RBFOX1: variants seen among roughly 807,000 people sequenced by gnomAD.
The protein encoded by RBFOX1 is RNA binding protein fox-1 homolog 1.
RBFOX1 carries 8 observed loss-of-function variants against 57.7 expected under a neutral mutation model. The ratio of observed to expected loss-of-function variants is 0.14; its 90% CI spans 0.08 to 0.25. RBFOX1 has a LOEUF of 0.25. Ranked by LOEUF, RBFOX1 falls within the 10% of genes least tolerant of loss-of-function variation. RBFOX1 has a pLI of 1.00. For synonymous variants in RBFOX1, 326 were observed against 222.4 expected (o/e 1.47, Z -4.15); for missense variants, 611 against 548.5 (o/e 1.11, Z -1.14).
Position 6,456,493 on chromosome 16 carries a change from C to T in RBFOX1, c.-64+139436C>T, listed in dbSNP as rs559014101. On this transcript the variant is annotated intron_variant, in intron 2 of 15. Coordinates refer to ENST00000550418, the MANE Select transcript of RBFOX1 (RefSeq NM_018723.4). ...ATTGGGAAGAGCCACAGTCAATGAACCTAGAGACCAGATAACTTAGGGCCC... is the reference window on the plus strand; with the variant it reads ...ATTGGGAAGAGCCACAGTCAATGAATCTAGAGACCAGATAACTTAGGGCCC... Among the ~76,000 whole-genome samples the T allele has an allele frequency of 3.9e-5, 6 of 152,254 alleles. No homozygotes were observed. In the East Asian group the frequency reaches 1.2e-3, roughly 29 times the overall value.
chr16:6,814,974 A>G (rs2089726231), intron 3 of RBFOX1, among the ~76,000 whole-genome samples: 1 of 152,214 alleles, frequency 6.6e-6, no homozygotes, highest in Admixed American at 6.5e-5. Flanking sequence ...CAGGCAGAGC[A>G]GTGGTATGGG....
chr16:5,388,599 CAG>C (rs2066317840), intron 1 of RBFOX1, among the ~76,000 whole-genome samples: 1 of 151,966 alleles, frequency 6.6e-6, no homozygotes, highest in African/African-American at 2.4e-5. Flanking sequence ...TTTACTGAGA[CAG>C]AGTCTCGCTC....
At chr16:5,934,367 T>A (rs941694459) in intron 4 of RBFOX1, among the ~76,000 whole-genome samples, 6 of 152,262 alleles carry the variant, frequency 3.9e-5, no homozygotes, top group African/African-American at 1.4e-4. Context: ...GGTTATTCTT[T>A]ATGGCAGCTG....
At chr16:5,593,581 C>G (rs886976555) in intron 2 of RBFOX1, among the ~76,000 whole-genome samples, 2 of 152,184 alleles carry the variant, frequency 1.3e-5, no homozygotes, top group Non-Finnish European at 2.9e-5. Context: ...AGAGTGACCT[C>G]TGGTCGTCCT....
At chr16:5,785,044 G>T (rs920555677) in intron 3 of RBFOX1, among the ~76,000 whole-genome samples, 1 of 152,170 alleles carries the variant, frequency 6.6e-6, no homozygotes, top group African/African-American at 2.4e-5. Flanking sequence ...TGTCAACATT[G>T]TTAGCCATCC....
intron 1 of RBFOX1, among the ~76,000 whole-genome samples, chr16:5,333,017 C>G (rs2064798515): frequency 6.6e-6 from 1 of 152,064 alleles, no homozygotes; most frequent in Non-Finnish European, 1.5e-5. Flanking sequence ...GAAACCCTGT[C>G]TCTATTAAAA....
At chr16:6,582,433 G>A (rs900251766) in intron 2 of RBFOX1, among the ~76,000 whole-genome samples, 1 of 147,020 alleles carries the variant, frequency 6.8e-6, no homozygotes, top group African/African-American at 2.5e-5. Flanking sequence ...TATTAATTTT[G>A]TCTTTGTTCC....
At chr16:5,860,321 C>T (rs1303914033) in intron 3 of RBFOX1, among the ~76,000 whole-genome samples, 2 of 152,190 alleles carry the variant, frequency 1.3e-5, no homozygotes, top group African/African-American at 2.4e-5. Context: ...GTGATCCACC[C>T]GCCTCCACCT....
At chr16:5,480,128 C>G (rs542427021) in intron 2 of RBFOX1, among the ~76,000 whole-genome samples, 2 of 152,214 alleles carry the variant, frequency 1.3e-5, no homozygotes, top group South Asian at 2.1e-4. Flanking sequence ...GAGAGGGAAG[C>G]TATCTCAGAT....
chr16:7,455,899 T>C (rs1465143839), intron 4 of RBFOX1, among the ~76,000 whole-genome samples: 9 of 152,096 alleles, frequency 5.9e-5, no homozygotes, highest in Admixed American at 5.9e-4. Context: ...AGATTCATTC[T>C]CTGTTTTTAT....
chr16:7,117,059 C>G (rs2066062619), intron 4 of RBFOX1, among the ~76,000 whole-genome samples: 1 of 152,078 alleles, frequency 6.6e-6, no homozygotes, highest in African/African-American at 2.4e-5. Context: ...TGTCAAACAT[C>G]AGCTATAAAT....
chr16:6,861,824 T>TA (rs1491228027), intron 3 of RBFOX1, among the ~76,000 whole-genome samples: 1 of 17,508 alleles, frequency 5.7e-5, no homozygotes, highest in Non-Finnish European at 1.0e-4. Context: ...CGTCCCTTGG[T>TA]TTTTTTTTTT....
Position 5,398,813 on chromosome 16 carries a change from A to G in RBFOX1, c.220-68403A>G, listed in dbSNP as rs375642489. Among the ~76,000 whole-genome samples, 4 of 152,282 alleles carry G rather than the reference A, an allele frequency of 2.6e-5. No individual in the cohort carries two copies. The South Asian group carries it at 8.3e-4, about 32-fold the overall frequency. On this transcript the variant is annotated intron_variant, in intron 1 of 2. Transcript: ENST00000585867. The stretch of plus-strand genomic sequence containing the variant: ...GCAGCACGTTGGAAACCCTGCGCTC[A>G]TTTCAGAGGAATTGAATTTGAGTCT...
At chr16:5,269,751 C>A (rs2062957971) in intron 1 of RBFOX1, among the ~76,000 whole-genome samples, 1 of 152,094 alleles carries the variant, frequency 6.6e-6, no homozygotes, top group Non-Finnish European at 1.5e-5. Flanking sequence ...CTAAAATTGA[C>A]TAGTAATGTT....
chr16:7,707,800 C>G (rs1284207426), intron 14 of RBFOX1, among the ~76,000 whole-genome samples: 1 of 152,196 alleles, frequency 6.6e-6, no homozygotes, highest in Non-Finnish European at 1.5e-5. Context: ...CGCAGATATT[C>G]ATCTCAGACG....
At chr16:7,424,974 T>A (rs985006806) in intron 4 of RBFOX1, among the ~76,000 whole-genome samples, 1 of 152,202 alleles carries the variant, frequency 6.6e-6, no homozygotes, top group South Asian at 2.1e-4. Context: ...AAGAATGTTA[T>A]CTTAGAGATG....
chr16:7,622,731 C>G (rs763580008), intron 10 of RBFOX1, among the ~76,000 whole-genome samples: 29 of 151,972 alleles, frequency 1.9e-4, no homozygotes, highest in Non-Finnish European at 3.5e-4. Flanking sequence ...TATGGAAATC[C>G]CTTGGTACAA....
At chr16:7,430,990 G>T (rs950166804) in intron 4 of RBFOX1, among the ~76,000 whole-genome samples, 12 of 152,158 alleles carry the variant, frequency 7.9e-5, no homozygotes, top group African/African-American at 2.9e-4. Context: ...AATCTATGTT[G>T]TATGGTAGTT....
chr16:7,549,439 A>G (rs1357466307), intron 5 of RBFOX1, among the ~76,000 whole-genome samples: 1 of 152,202 alleles, frequency 6.6e-6, no homozygotes, highest in Non-Finnish European at 1.5e-5. Context: ...CTCTAAAGGG[A>G]CAGAACTAAT....
Sources: allele counts gnomAD v4.1 joint callset (sites outside exome capture counted in the v4.1 genomes callset), GRCh38; gene constraint gnomAD v4.1.1; transcripts MANE v1.5; gene names NCBI Gene and HGNC (gene_info 2026-07-23, HGNC 2026-07-21).